Variants in LAYN observed in about 807,000 individuals in gnomAD.
LAYN encodes the protein layilin.
LAYN carries 38 observed loss-of-function variants against 43.6 expected under a neutral mutation model. The observed-to-expected ratio is 0.87, with a 90% confidence interval of 0.67 to 1.14. The LOEUF is 1.14. Ranked by LOEUF, LAYN falls within the 50% of genes most tolerant of loss-of-function variation. The pLI is 0.00. For missense variants in LAYN, 479 were observed against 463.8 expected, an observed-to-expected ratio of 1.03 and a Z score of -0.30; for synonymous variants, 168 against 172.9, an observed-to-expected ratio of 0.97 and a Z score of 0.22.
intron 3 of LAYN, among the ~76,000 whole-genome samples, chr11:111,554,169 C>G (rs1357698635): frequency 6.6e-6 from 1 of 152,050 alleles, no homozygotes; most frequent in Non-Finnish European, 1.5e-5. Context: ...TAAAATAATC[C>G]AGGCCAGGAG....
chr11:111,551,407 C>T (rs1462039666), intron 3 of LAYN: 1 of 456,292 alleles, frequency 2.2e-6, no homozygotes, highest in Non-Finnish European at 4.4e-6. Context: ...CCTCCCAAGG[C>T]ACAGAGGACA....
rs1004350729 is a variant in LAYN, at chr11:111,555,272, A to T, written c.640A>T (p.Thr214Ser). Residue 214 changes from threonine (T) to serine (S), a missense_variant, in exon 5 of 7, where the codon ACA becomes TCA. Transcript: ENST00000375614. ...EETQEEDAKK[T>S]FKESREAALN... Reference sequence around the variant, plus strand: ...AACACAGGAAGAAGATGCCAAAAAAACATTTAAAGAAAGTAGAGGTATCTA... The same window carrying T: ...AACACAGGAAGAAGATGCCAAAAAATCATTTAAAGAAAGTAGAGGTATCTA... The T allele has an allele frequency of 6.2e-7, 1 of 1,613,392 alleles. No individual in the cohort carries two copies. The highest frequency in any genetic ancestry group is 8.5e-7 in the Non-Finnish European group (1 of 1,179,384).
In LAYN at chr11:111,560,177, G is replaced by C. The variant is rs1230969837; in HGVS notation, c.844G>C (p.Glu282Gln). 6.2e-7 allele frequency: 1 copy of C among 1,614,208 alleles called. No homozygotes were observed. Among genetic ancestry groups the C allele is most frequent in the South Asian group, 1.1e-5 (1 of 91,082 alleles). Residue 282 changes from glutamate to glutamine, a missense_variant, in exon 7 of 7, where the codon GAG becomes CAG. Glu to Gln is a conservative substitution (Grantham distance 29, BLOSUM62 2). Transcript: ENST00000375614. ...SPHQGNSPDL[E>Q]VYNVIRKQSE... ...TCACCAGGGAAACAGCCCGGACCTA[G>C]AGGTCTACAATGTCATAAGAAAACA...
Position 111,560,084 on chromosome 11 carries a change from T to A in LAYN, c.762-11T>A. On this transcript the variant is annotated splice_polypyrimidine_tract_variant and intron_variant, in intron 6 of 6. Transcript: ENST00000375614. ...TCTAAAACACTCAGCCCTGGTTTTC[T>A]TTCTTCCTAGAAAACGGGAGCAGCC... The A allele has an allele frequency of 6.3e-7, 1 of 1,592,160 alleles. No homozygotes were observed. The highest frequency in any genetic ancestry group is 8.6e-7 in the Non-Finnish European group (1 of 1,169,442).
At chr11:111,557,275 G>A (rs1288569658) in intron 5 of LAYN, among the ~76,000 whole-genome samples, 1 of 152,194 alleles carries the variant, frequency 6.6e-6, no homozygotes, top group African/African-American at 2.4e-5. Context: ...TAGGGTAATA[G>A]GACAGGTAGA....
intron 1 of LAYN, 107 bp downstream of exon 1, chr11:111,541,035 C>G: frequency 3.0e-6 from 3 of 987,950 alleles, no homozygotes; most frequent in Non-Finnish European, 4.4e-6. Flanking sequence ...GAAGGCCGTC[C>G]CATGCCCCAC....
intron 5 of LAYN, 58 bp from the exon 6 acceptor site, chr11:111,557,483 C>A: frequency 7.4e-7 from 1 of 1,353,172 alleles, no homozygotes; most frequent in Non-Finnish European, 1.1e-6. Flanking sequence ...TGGTTTGAAG[C>A]ACAGAAAAAC....
At chr11:111,559,580 T>C (rs1397401036) in intron 6 of LAYN, among the ~76,000 whole-genome samples, 1 of 152,056 alleles carries the variant, frequency 6.6e-6, no homozygotes, top group African/African-American at 2.4e-5. Flanking sequence ...CACCTCAGCC[T>C]CCCAACTAGC....
chr11:111,557,670 C>T (rs768483315), intron 6 of LAYN, 27 bp downstream of exon 6: 65 of 1,530,116 alleles, frequency 4.2e-5, no homozygotes, highest in South Asian at 3.2e-4. Context: ...TTGTGTAAAC[C>T]TTTGCATCTT....
intron 2 of LAYN, among the ~76,000 whole-genome samples, chr11:111,549,315 A>G (rs1019439926): frequency 6.6e-6 from 1 of 152,236 alleles, no homozygotes; most frequent in Non-Finnish European, 1.5e-5. Flanking sequence ...GAAAGAAATA[A>G]GATCGTCCAG....
chr11:111,544,344 G>A lies in LAYN; in HGVS notation c.383+124G>A, dbSNP rs146704062. On this transcript the variant is annotated intron_variant, in intron 2 of 6. Transcript: ENST00000375614. Reference sequence around the variant, plus strand: ...AACCAGGCAGATCTCTGAAGGGAAAGTAGCACCAGAATAGCTGCTGACCTA... The same window carrying A: ...AACCAGGCAGATCTCTGAAGGGAAAATAGCACCAGAATAGCTGCTGACCTA... The A allele has an allele frequency of 3.8e-5, 36 of 953,346 alleles. No homozygotes were observed. The African/African-American group carries it at 5.6e-4, about 15-fold the overall frequency. The allele number at this position is 953,346 out of a possible 1,614,324, so 59.1% of individuals were successfully genotyped here. A position where few individuals can be genotyped will look rare whatever the true frequency, so the allele number is the denominator to read the frequency against.
intron 3 of LAYN, chr11:111,551,194 C>T (rs1867738463): frequency 1.1e-5 from 4 of 372,022 alleles, no homozygotes; most frequent in South Asian, 4.1e-5. Context: ...AAAGAGGACC[C>T]GCCCAACAGG....
chr11:111,543,106 A>G (rs1867578333), intron 1 of LAYN, among the ~76,000 whole-genome samples: 1 of 152,166 alleles, frequency 6.6e-6, no homozygotes, highest in South Asian at 2.1e-4. Context: ...CTAGCAATTT[A>G]GTTCACTGGT....
At chr11:111,550,500 CA>C (rs1160547298) in intron 3 of LAYN, among the ~76,000 whole-genome samples, 7 of 152,200 alleles carry the variant, frequency 4.6e-5, no homozygotes, top group African/African-American at 1.7e-4. Context: ...CCCAATTCTG[CA>C]TTCTTTCTTG....
chr11:111,545,418 A>G (rs902678296), intron 2 of LAYN, among the ~76,000 whole-genome samples: 3 of 152,146 alleles, frequency 2.0e-5, no homozygotes, highest in Non-Finnish European at 4.4e-5. Context: ...TGCCCTTATC[A>G]TGCTAGAGTT....
intron 1 of LAYN, chr11:111,541,201 G>A (rs1867530648): frequency 1.7e-6 from 1 of 594,786 alleles, no homozygotes; most frequent in Middle Eastern, 4.5e-4. Context: ...GTTGGAGAAT[G>A]TAGGAGAGGT....
At chr11:111,550,936 C>T (rs1485364235) in intron 3 of LAYN, among the ~76,000 whole-genome samples, 17 of 152,144 alleles carry the variant, frequency 1.1e-4, no homozygotes, top group Admixed American at 1.1e-3. Flanking sequence ...TAGAAAAAAT[C>T]ATATTCTTCA....
chr11:111,547,901 G>T (rs549075711), intron 2 of LAYN, among the ~76,000 whole-genome samples: 12 of 152,304 alleles, frequency 7.9e-5, no homozygotes, highest in African/African-American at 2.6e-4. Context: ...ATTCTCCACC[G>T]TGATAGCTCT....
rs1433158565 is a variant in LAYN at position 111,545,521 on chromosome 11, G to A, written c.383+1301G>A. On this transcript the variant is annotated intron_variant, in intron 2 of 6. Transcript: ENST00000375614. Reference sequence around the variant, plus strand: ...CCTTGCCCATAATACATAACAGCAGGCCTATCTCCTCCCGATGGTTAGGGC... The same window carrying A: ...CCTTGCCCATAATACATAACAGCAGACCTATCTCCTCCCGATGGTTAGGGC... Among the ~76,000 whole-genome samples, 4 of 152,138 alleles carry A rather than the reference G, an allele frequency of 2.6e-5. No individual in the cohort carries two copies. The East Asian group carries it at 7.7e-4, about 29-fold the overall frequency.
Sources: gnomAD v4.1 joint callset for allele counts (sites outside exome capture counted in the v4.1 genomes callset) on GRCh38, gnomAD v4.1.1 for gene constraint, MANE v1.5 for transcripts, NCBI Gene and HGNC (gene_info 2026-07-23, HGNC 2026-07-21) for gene names.